Variants in RAB33A observed in about 807,000 individuals in gnomAD.
The protein encoded by RAB33A is RAB33A, member RAS oncogene family.
RAB33A carries 6 observed loss-of-function variants against 12.0 expected under a neutral mutation model. The ratio of observed to expected loss-of-function variants is 0.50; its 90% CI spans 0.27 to 0.99. RAB33A has a LOEUF of 0.99. Ranked by LOEUF, RAB33A falls within the 50% of genes least tolerant of loss-of-function variation. RAB33A has a pLI of 0.11. For synonymous variants in RAB33A, 70 were observed against 82.4 expected (o/e 0.85, Z 0.81); for missense variants, 109 against 192.0 (o/e 0.57, Z 2.55).
At chrX:130,123,198 G>C in the RAB33A span, among the ~76,000 whole-genome samples, 2 of 112,103 alleles carry the variant, frequency 1.8e-5, no homozygotes, top group African/African-American at 6.5e-5. Flanking sequence ...GAAGGTGAGA[G>C]ATGACCTAGT....
the RAB33A span, among the ~76,000 whole-genome samples, chrX:130,152,130 G>A: frequency 9.1e-6 from 1 of 110,139 alleles, no homozygotes; most frequent in Non-Finnish European, 1.9e-5. Flanking sequence ...AAAGAAAAAA[G>A]AAAAGAAAAA....
the RAB33A span, among the ~76,000 whole-genome samples, chrX:130,153,448 A>G: frequency 9.0e-6 from 1 of 110,781 alleles, no homozygotes; most frequent in Admixed American, 9.7e-5. Context: ...AGGAATTGCC[A>G]AAGTAATAGT....
the RAB33A span, among the ~76,000 whole-genome samples, chrX:130,127,691 C>CTTTTTTTTTTTTT: frequency 9.1e-5 from 7 of 76,989 alleles, no homozygotes; most frequent in African/African-American, 2.9e-4. Flanking sequence ...ATGAGTTTTC[C>CTTTTTTTTTTTTT]TTTTTTTTTT....
the RAB33A span, among the ~76,000 whole-genome samples, chrX:130,155,540 G>GACAA: frequency 8.9e-6 from 1 of 112,142 alleles, no homozygotes; most frequent in Non-Finnish European, 1.9e-5. Flanking sequence ...TGTCCGTTTG[G>GACAA]GAGTCACATC....
At chrX:130,132,548 CTTTTT>C in the RAB33A span, among the ~76,000 whole-genome samples, 2 of 111,690 alleles carry the variant, frequency 1.8e-5, no homozygotes, top group South Asian at 7.3e-4. Flanking sequence ...CTCCACTTTT[CTTTTT>C]TTTAACTTTT....
chrX:130,122,413 T>C, the RAB33A span, among the ~76,000 whole-genome samples: 1 of 112,549 alleles, frequency 8.9e-6, no homozygotes, highest in African/African-American at 3.2e-5. Context: ...TGGATTGGCA[T>C]TGTTTGCCTG....
upstream of RAB33A, among the ~76,000 whole-genome samples, chrX:130,168,466 G>T (rs771044664): frequency 3.6e-5 from 4 of 110,633 alleles, no homozygotes; most frequent in African/African-American, 9.8e-5. Context: ...CGCCCGCCTC[G>T]GCCTCCCAAA....
the RAB33A span, among the ~76,000 whole-genome samples, chrX:130,132,765 G>A: frequency 6.8e-5 from 2 of 29,359 alleles, no homozygotes; most frequent in Non-Finnish European, 1.3e-4. Flanking sequence ...TTTTTTTTTT[G>A]AGACGGAGTC....
the RAB33A span, among the ~76,000 whole-genome samples, chrX:130,121,701 G>T: frequency 2.7e-5 from 3 of 112,753 alleles, no homozygotes; most frequent in Non-Finnish European, 5.6e-5. Context: ...TTCTAGGGGT[G>T]CACAGGGAAT....
At chrX:130,144,854 A>G in the RAB33A span, among the ~76,000 whole-genome samples, 2 of 112,459 alleles carry the variant, frequency 1.8e-5, no homozygotes, top group African/African-American at 6.5e-5. Context: ...TTCTCTGTCT[A>G]ATGTCCCCTT....
chrX:130,167,012 T>C (rs209539), upstream of RAB33A, among the ~76,000 whole-genome samples: 53,196 of 110,815 alleles, frequency 0.48, 9,730 homozygotes, highest in African/African-American at 0.65. Context: ...TAATATCTGG[T>C]GTAGTGCCGG....
chrX:130,115,796 G>C, the RAB33A span, among the ~76,000 whole-genome samples: 1 of 111,705 alleles, frequency 9.0e-6, no homozygotes, highest in East Asian at 2.8e-4. Context: ...AGCTGGGAGA[G>C]AGGTTATGGT....
the RAB33A span, among the ~76,000 whole-genome samples, chrX:130,121,574 CT>C: frequency 1.8e-5 from 2 of 112,490 alleles, no homozygotes; most frequent in East Asian, 5.6e-4. Context: ...GACAGGCGAA[CT>C]GGAGCGGCTC....
chrX:130,155,269 G>A, the RAB33A span: 6 of 1,210,767 alleles, frequency 5.0e-6, no homozygotes, highest in Non-Finnish European at 6.7e-6. Context: ...GGGGATCCTA[G>A]GTGATGAGAC....
upstream of RAB33A, among the ~76,000 whole-genome samples, chrX:130,168,038 G>A (rs2031561708): frequency 9.2e-6 from 1 of 108,431 alleles, no homozygotes; most frequent in South Asian, 4.0e-4. Context: ...TTAGCCAGGC[G>A]TGGTGGTATG....
At chrX:130,130,711 T>C in the RAB33A span, among the ~76,000 whole-genome samples, 2 of 112,410 alleles carry the variant, frequency 1.8e-5, no homozygotes, top group Non-Finnish European at 3.8e-5. Flanking sequence ...GAAAGTTCTA[T>C]TGGACAGTGC....
chrX:130,125,236 T>G, the RAB33A span, among the ~76,000 whole-genome samples: 5 of 111,486 alleles, frequency 4.5e-5, no homozygotes, highest in Admixed American at 9.6e-5. Context: ...TCAGCAAATG[T>G]TCATTTTGAG....
chrX:130,169,708 A>G (rs759983249), upstream of RAB33A, among the ~76,000 whole-genome samples: 2 of 112,440 alleles, frequency 1.8e-5, no homozygotes, highest in Non-Finnish European at 3.8e-5. Flanking sequence ...CTTCCTTACA[A>G]AAGTAGACTC....
intron 1 of RAB33A, among the ~76,000 whole-genome samples, chrX:130,176,261 C>T (rs767232248): frequency 9.0e-6 from 1 of 111,543 alleles, no homozygotes; most frequent in Non-Finnish European, 1.9e-5. Flanking sequence ...TGGAAAATGC[C>T]GAATAGGGGT....
Sources: allele counts gnomAD v4.1 joint callset (sites outside exome capture counted in the v4.1 genomes callset), GRCh38; gene constraint gnomAD v4.1.1; transcripts MANE v1.5; gene names NCBI Gene and HGNC (gene_info 2026-07-23, HGNC 2026-07-21).